The following G6PD variants were observed in gnomAD, a reference collection of about 807,000 sequenced individuals.
G6PD encodes the protein glucose-6-phosphate dehydrogenase.
In G6PD, 2 loss-of-function variants were observed where a neutral mutation model predicts 38.2. The observed-to-expected ratio is 0.05, with a 90% CI of 0.02 to 0.16. The LOEUF is 0.16. Ranked by LOEUF, G6PD falls within the 10% of genes least tolerant of loss-of-function variation. G6PD has a pLI of 1.00. For synonymous variants in G6PD, 188 were observed against 196.0 expected, an observed-to-expected ratio of 0.96 and a Z score of 0.34; for missense variants, 310 against 471.6, an observed-to-expected ratio of 0.66 and a Z score of 3.17.
chrX:154,536,764 A>G (rs1411609573), intron 2 of G6PD, among the ~76,000 whole-genome samples: 1 of 111,690 alleles, frequency 9.0e-6, no homozygotes, highest in African/African-American at 3.3e-5. Context: ...CGGGAGGCAG[A>G]GGTTGCAGTG....
chrX:154,535,783 T>C (rs1422217262), intron 4 of G6PD, 154 bp downstream of exon 4: 2 of 509,745 alleles, frequency 3.9e-6, no homozygotes, highest in South Asian at 2.7e-5. Flanking sequence ...GGGCTGGTAA[T>C]GGGGGTCTCA....
upstream of G6PD, chrX:154,547,484 T>G: frequency 1.3e-6 from 1 of 755,091 alleles, no homozygotes; most frequent in Non-Finnish European, 1.6e-6. Context: ...TCCGCGGGCC[T>G]GCAGAGCCTG....
chrX:154,543,105 C>T (rs112022908), intron 2 of G6PD, among the ~76,000 whole-genome samples: 1,553 of 112,007 alleles, frequency 0.014, 35 homozygotes, highest in African/African-American at 0.047. Context: ...GTTCCAGGTG[C>T]TGCCTGAGCA....
rs1285832850 is a variant in G6PD at position 154,531,678 on chromosome X, G to A, written c.*322C>T. ...TCCCACCCTGGCCCCACTCAGGAGT[G>A]AGACCCAGTGGCCAATAAGCTCTGG... On this transcript the variant is annotated 3_prime_UTR_variant, in exon 13 of 13. Coordinates refer to ENST00000393562, the MANE Select transcript of G6PD (RefSeq NM_001360016.2). The A allele has an allele frequency of 2.0e-5, 6 of 297,728 alleles. No individual in the cohort carries two copies. The highest frequency in any genetic ancestry group is 3.6e-5 in the Non-Finnish European group (6 of 166,496). 24.5% of individuals were successfully genotyped at this position (297,728 alleles called of 1,213,427 possible).
Position 154,546,166 on chromosome X carries a change from G to A in G6PD, c.-8-3C>T, listed in dbSNP as rs782555841. On this transcript the variant is annotated splice_region_variant and splice_polypyrimidine_tract_variant and intron_variant, in intron 1 of 12. Coordinates refer to ENST00000393562, the MANE Select transcript of G6PD (RefSeq NM_001360016.2). ...CACCTGCTCTGCCATGACGCTGTCT[G>A]GTGGAAGAAAGGCTCGTTAACAAGG... is the stretch of plus-strand genomic sequence containing the variant. The A allele has an allele frequency of 1.5e-5, 18 of 1,210,091 alleles. No homozygotes were observed. The African/African-American group carries it at 2.1e-4, about 14-fold the overall frequency.
chrX:154,534,527 T>C (rs367926521), intron 5 of G6PD, 31 bp from the exon 6 acceptor site: 3 of 1,207,277 alleles, frequency 2.5e-6, no homozygotes, highest in African/African-American at 1.7e-5. Flanking sequence ...CGTTACCCCC[T>C]TGAACCCCTC....
intron 3 of G6PD, 25 bp from the exon 4 acceptor site, chrX:154,536,070 C>T: frequency 8.3e-7 from 1 of 1,205,812 alleles, no homozygotes; most frequent in Non-Finnish European, 1.1e-6. Flanking sequence ...CAGCTGTAAC[C>T]AGTGCGGGCA....
chrX:154,534,255 T>C, intron 6 of G6PD, 83 bp downstream of exon 6: 1 of 1,203,970 alleles, frequency 8.3e-7, no homozygotes. Flanking sequence ...TCTGGAGGAA[T>C]TCGTCCTCGG....
At chrX:154,544,619 A>G (rs782534496) in intron 2 of G6PD, among the ~76,000 whole-genome samples, 4 of 112,271 alleles carry the variant, frequency 3.6e-5, no homozygotes, top group Admixed American at 1.9e-4. Context: ...TGAGGGGACC[A>G]GGCTGGGGCT....
At chrX:154,532,859 G>A (rs2070357044) in intron 9 of G6PD, 57 bp from the exon 10 acceptor site, 4 of 1,203,573 alleles carry the variant, frequency 3.3e-6, no homozygotes, top group Middle Eastern at 2.3e-4. Flanking sequence ...GGACCAGTGC[G>A]TGAGTGTCTC....
chrX:154,541,126 A>G (rs1216926267), intron 2 of G6PD: 4 of 111,478 alleles, frequency 3.6e-5, no homozygotes, highest in African/African-American at 1.3e-4. Flanking sequence ...CAGCCTGCAA[A>G]TACCTCTAAG....
intron 2 of G6PD, among the ~76,000 whole-genome samples, chrX:154,537,990 GTTTT>G (rs781988750): frequency 1.1e-5 from 1 of 91,079 alleles, no homozygotes; most frequent in Non-Finnish European, 2.2e-5. Context: ...AAATCAGGAG[GTTTT>G]TTTTTTTTTT....
rs137852319 is a variant in G6PD, at chrX:154,534,157, A to G, written c.648T>C (p.Phe216=). 3.3e-6 allele frequency: 4 copies of G among 1,210,447 alleles called. No individual in the cohort carries two copies. In the Admixed American group the frequency reaches 8.7e-5, roughly 26 times the overall value. The change falls in exon 7 of 13, where the codon TTT becomes TTC. Residue 216 remains phenylalanine, a synonymous_variant. Transcript: ENST00000393562. ...AGATGGGGCCGAAGATCCTGTTGGC[A>G]AATCTGCAGGGAGGGGCAAGGTGGA... ...EMVQNLMVLR[F]ANRIFGPIWN...
chrX:154,535,379 G>C lies in G6PD; in HGVS notation c.274C>G (p.Pro92Ala). 2 of 1,206,868 alleles carry C rather than the reference G, an allele frequency of 1.7e-6. No individual in the cohort carries two copies. Among genetic ancestry groups the C allele is most frequent in the East Asian group, 5.9e-5 (2 of 33,684 alleles). ...TCCTCCAGCTTGAGCTTCTCCTCTG[G>C]GGTGGCCTGGGAGACACGGACAGAC... ...KQSEPFFKAT[P>A]EEKLKLEDFF... Residue 92 changes from proline to alanine, a missense_variant, in exon 5 of 13, where the codon CCA becomes GCA. Transcript: ENST00000393562.
Position 154,535,229 on chromosome X carries a change from A to C in G6PD, c.424T>G (p.Leu142Val), listed in dbSNP as rs1197584792. 1 of 1,211,938 alleles carries C rather than the reference A, an allele frequency of 8.3e-7. No individual in the cohort carries two copies. Among genetic ancestry groups the C allele is most frequent in the Non-Finnish European group, 1.1e-6 (1 of 895,519 alleles). The change falls in exon 5 of 13, where the codon TTG becomes GTG. Residue 142 changes from leucine to valine, a missense_variant. Around this residue, in one of 4 missense-constraint regions of G6PD, gnomAD observed 96 missense variants for 93.3 expected, o/e 1.03. Transcript: ENST00000393562. ...SQANRLFYLA[L>V]PPTVYEAVTK... The stretch of plus-strand genomic sequence containing the variant: ...ACGGCCTCGTAGACGGTCGGGGGCA[A>C]GGCCAGGTAGAAGAGGCGGTTGGCC...
chrX:154,546,865 GC>G, upstream of G6PD: 1 of 1,106,972 alleles, frequency 9.0e-7, no homozygotes. Context: ...AGCCCCGCCG[GC>G]CCATTTAATC....
At chrX:154,542,453 G>GT (rs782052842) in intron 2 of G6PD, 21 of 1,175,104 alleles carry the variant, frequency 1.8e-5, no homozygotes, top group Non-Finnish European at 2.4e-5. Flanking sequence ...GAAGGGGGCA[G>GT]TAAGTACCTC....
Position 154,534,349 on chromosome X carries a change from G to A in G6PD, c.633C>T (p.Leu211=), listed in dbSNP as rs781866029. 10 of 1,211,653 alleles carry A rather than the reference G, an allele frequency of 8.3e-6. No homozygotes were observed. Among genetic ancestry groups the A allele is most frequent in the South Asian group, 1.8e-5 (1 of 57,006 alleles). The change falls in exon 6 of 13, where the codon CTC becomes CTT. Residue 211 remains leucine (L), a synonymous_variant. Transcript: ENST00000393562. ...AGGCTTGGCCCCACCTCAGCACCAT[G>A]AGGTTCTGCACCATCTCCTTGCCCA... ...HYLGKEMVQN[L]MVLRFANRIF... is the part of the protein sequence containing the mutation.
intron 2 of G6PD, 68 bp downstream of exon 2, chrX:154,545,968 G>A: frequency 8.4e-7 from 1 of 1,186,365 alleles, no homozygotes; most frequent in South Asian, 1.8e-5. Flanking sequence ...GCAACAATTA[G>A]TTGGAAAAGC....
Sources: gnomAD v4.1 joint callset for allele counts (sites outside exome capture counted in the v4.1 genomes callset) on GRCh38, gnomAD v4.1.1 for gene constraint, gnomAD v4.1.1 regional missense constraint, MANE v1.5 for transcripts, NCBI Gene and HGNC (gene_info 2026-07-23, HGNC 2026-07-21) for gene names.